Variants in CLASP1 observed in about 807,000 individuals in gnomAD.
The protein encoded by CLASP1 is cytoplasmic linker associated protein 1.
A neutral mutation model predicts 192.3 loss-of-function variants in CLASP1; 38 were observed. The ratio of observed to expected loss-of-function variants is 0.20; its 90% CI spans 0.15 to 0.26. CLASP1 has a LOEUF of 0.26. CLASP1 is among the 10% of genes least tolerant of loss of function. CLASP1 has a pLI of 1.00. For missense variants in CLASP1, 1,433 were observed against 1,932.5 expected (o/e 0.74, Z 4.85); for synonymous variants, 691 against 712.8 (o/e 0.97, Z 0.49).
chr2:121,492,357 CCAGCCTGGGCGACAGAG>C (rs2150157169), intron 8 of CLASP1, among the ~76,000 whole-genome samples: 1 of 140,060 alleles, frequency 7.1e-6, no homozygotes, highest in East Asian at 2.1e-4. Flanking sequence ...CCAGTGTACT[CCAGCCTGGGCGACAGAG>C]CGAGACTCCC....
At chr2:121,570,841 T>C (rs538834278) in intron 2 of CLASP1, among the ~76,000 whole-genome samples, 1 of 152,142 alleles carries the variant, frequency 6.6e-6, no homozygotes. Flanking sequence ...TTACTGGATA[T>C]GAAGGAAACA....
chr2:121,485,668 T>C (rs889424892), intron 8 of CLASP1, among the ~76,000 whole-genome samples: 9 of 151,956 alleles, frequency 5.9e-5, no homozygotes, highest in African/African-American at 2.2e-4. Flanking sequence ...GTTTGAGACC[T>C]GCCTGGCCAA....
intron 2 of CLASP1, among the ~76,000 whole-genome samples, chr2:121,560,154 T>C (rs2058948483): frequency 6.6e-6 from 1 of 152,002 alleles, no homozygotes; most frequent in South Asian, 2.1e-4. Context: ...AAAAATTTAA[T>C]GATAATGAAA....
At chr2:121,477,066 C>A (rs751915468) in intron 8 of CLASP1, among the ~76,000 whole-genome samples, 2 of 152,202 alleles carry the variant, frequency 1.3e-5, no homozygotes, top group Non-Finnish European at 2.9e-5. Context: ...CTCTAACTTG[C>A]GTGTACCATT....
intron 19 of CLASP1, among the ~76,000 whole-genome samples, chr2:121,431,818 C>G (rs13031846): frequency 1.4e-5 from 2 of 148,096 alleles, no homozygotes; most frequent in Non-Finnish European, 3.0e-5. Flanking sequence ...ATATTTAGAA[C>G]GTTTTTAAAT....
chr2:121,478,766 A>G (rs2092083982), intron 8 of CLASP1, among the ~76,000 whole-genome samples: 1 of 86,812 alleles, frequency 1.2e-5, no homozygotes, highest in Non-Finnish European at 2.1e-5. Flanking sequence ...CACACACCAC[A>G]CACCCCACAC....
chr2:121,630,108 C>T (rs2069203564), intron 1 of CLASP1, among the ~76,000 whole-genome samples: 1 of 151,810 alleles, frequency 6.6e-6, no homozygotes, highest in Non-Finnish European at 1.5e-5. Flanking sequence ...TTAGTAGAGA[C>T]AGGATTTCAC....
At chr2:121,615,108 A>C (rs2106030371) in intron 1 of CLASP1, among the ~76,000 whole-genome samples, 1 of 151,868 alleles carries the variant, frequency 6.6e-6, no homozygotes, top group Non-Finnish European at 1.5e-5. Context: ...GGGAGGCCAA[A>C]GTGGGCAGAT....
intron 2 of CLASP1, among the ~76,000 whole-genome samples, chr2:121,548,210 T>C (rs2057664020): frequency 1.3e-5 from 2 of 152,052 alleles, no homozygotes; most frequent in East Asian, 1.9e-4. Flanking sequence ...ATAGCCAGCA[T>C]AAAAAAGAAC....
intron 19 of CLASP1, among the ~76,000 whole-genome samples, chr2:121,443,217 T>C (rs1272215355): frequency 2.0e-5 from 3 of 151,796 alleles, no homozygotes; most frequent in Non-Finnish European, 4.4e-5. Context: ...ACCAGAGAGT[T>C]AGTCTCCTGG....
At chr2:121,363,338 C>CACA in intron 36 of CLASP1, 38 bp from the exon 38 acceptor site, 1 of 1,610,020 alleles carries the variant, frequency 6.2e-7, no homozygotes, top group Non-Finnish European at 8.5e-7. Context: ...CACCAAACAC[C>CACA]ACACAGCACT....
rs2092752831 is a variant in CLASP1, at chr2:121,483,486, ATATATATGTGTGTATATATATGTATG to A, written c.713-13552_713-13527del. Among the ~76,000 whole-genome samples, 8 of 151,982 alleles carry A rather than the reference ATATATATGTGTGTATATATATGTATG, an allele frequency of 5.3e-5. No homozygotes were observed. The South Asian group carries it at 1.7e-3, about 32-fold the overall frequency. On this transcript the variant is annotated intron_variant, in intron 8 of 39. Transcript: ENST00000263710. ...TGTGTGTGTGTATATATGTATGTAT[ATATATATGTGTGTATATATATGTATG>A]TATATATGTGTGTGTATATATATGT...
At chr2:121,605,973 G>A (rs2064369184) in exon 2 of CLASP1, 1 of 1,374,608 alleles carries the variant, frequency 7.3e-7, no homozygotes, top group African/African-American at 1.4e-5. Flanking sequence ...TATCTGGGAG[G>A]TTGCCTCTTT....
rs1297137697 is a variant in CLASP1, at chr2:121,628,372, G to A, written c.-286+21000C>T. ...ACTCTAGTCCTACATTTTCAAAAACGGTCACTTAAGAATGTAATTGAGGCC... is the reference window on the plus strand; with the variant it reads ...ACTCTAGTCCTACATTTTCAAAAACAGTCACTTAAGAATGTAATTGAGGCC... On this transcript the variant is annotated intron_variant, in intron 1 of 39. Coordinates refer to ENST00000263710, the Ensembl canonical transcript of CLASP1. Among the ~76,000 whole-genome samples, 6 of 151,888 alleles carry A rather than the reference G, an allele frequency of 4.0e-5. No individual in the cohort carries two copies. In the South Asian group the frequency reaches 8.3e-4, roughly 21 times the overall value.
chr2:121,551,597 C>A (rs764745886), intron 2 of CLASP1, among the ~76,000 whole-genome samples: 2 of 152,100 alleles, frequency 1.3e-5, no homozygotes, highest in East Asian at 3.9e-4. Flanking sequence ...CACCCATTCA[C>A]AATTGCCACA....
Position 121,518,632 on chromosome 2 carries a change from C to T in CLASP1, c.547-2870G>A, listed in dbSNP as rs553422682. 4.6e-5 allele frequency among the ~76,000 whole-genome samples: 7 copies of T among 152,150 alleles called. No individual in the cohort carries two copies. In the South Asian group the frequency reaches 1.2e-3, roughly 27 times the overall value. On this transcript the variant is annotated intron_variant, in intron 6 of 39. Transcript: ENST00000263710. The stretch of plus-strand genomic sequence containing the variant: ...CCTGTAATCCCAGCACTTTGGGTGG[C>T]CGAGGCAGGCAGATCACTGGAGGTC...
chr2:121,427,285 C>G, intron 21 of CLASP1, 119 bp downstream of exon 21: 1 of 1,256,760 alleles, frequency 8.0e-7, no homozygotes, highest in Non-Finnish European at 1.1e-6. Flanking sequence ...AAGAAAAACG[C>G]AGAAAGATTA....
At chr2:121,462,490 G>A (rs2088299029) in intron 10 of CLASP1, 42 bp downstream of exon 10, 4 of 1,115,340 alleles carry the variant, frequency 3.6e-6, no homozygotes, top group Admixed American at 2.0e-5. Flanking sequence ...TGAAGAGTAA[G>A]TTGACCCTTG....
chr2:121,510,412 C>T (rs1279840268), intron 7 of CLASP1, among the ~76,000 whole-genome samples: 1 of 152,146 alleles, frequency 6.6e-6, no homozygotes, highest in Admixed American at 6.5e-5. Flanking sequence ...ATTCTATGAA[C>T]AATTATATGC....
Sources: gnomAD v4.1 joint callset for allele counts (sites outside exome capture counted in the v4.1 genomes callset) on GRCh38, gnomAD v4.1.1 for gene constraint, MANE v1.5 for transcripts, NCBI Gene and HGNC (gene_info 2026-07-23, HGNC 2026-07-21) for gene names.